The following RNF217 variants were observed in gnomAD, a reference collection of about 807,000 sequenced individuals.
RNF217 encodes ring finger protein 217.
A neutral mutation model predicts 57.8 loss-of-function variants in RNF217; 31 were observed. That is an observed-to-expected ratio of 0.54 (90% CI 0.40 to 0.72). RNF217 has a LOEUF of 0.72. Among genes scored for constraint, RNF217 ranks in the 30% least tolerant of loss-of-function variants. RNF217 has a pLI of 0.00. For missense variants in RNF217, 696 were observed against 708.3 expected (o/e 0.98, Z 0.20); for synonymous variants, 313 against 294.0 (o/e 1.06, Z -0.66).
intron 4 of RNF217, 130 bp downstream of exon 4, chr6:125,076,988 C>A (rs1788401396): frequency 2.6e-6 from 2 of 766,132 alleles, no homozygotes; most frequent in Non-Finnish European, 4.3e-6. Context: ...GATATTCTCT[C>A]ACCCTTTAAG....
intron 1 of RNF217, among the ~76,000 whole-genome samples, chr6:124,978,892 C>T (rs1433222726): frequency 6.6e-6 from 1 of 152,156 alleles, no homozygotes; most frequent in Non-Finnish European, 1.5e-5. Context: ...GGACAGGGCA[C>T]CCTGAAAGCA....
intron 1 of RNF217, among the ~76,000 whole-genome samples, chr6:125,041,121 T>C (rs147453055): frequency 5.9e-5 from 9 of 152,266 alleles, no homozygotes; most frequent in Non-Finnish European, 1.2e-4. Flanking sequence ...ATGCATTTAT[T>C]AATTAGCTTG....
At chr6:124,979,602 G>A (rs1307802355) in intron 1 of RNF217, among the ~76,000 whole-genome samples, 1 of 152,154 alleles carries the variant, frequency 6.6e-6, no homozygotes, top group African/African-American at 2.4e-5. Context: ...AGGCAATGAG[G>A]TTGCAGCAGC....
chr6:125,038,700 C>G (rs1241616678), intron 1 of RNF217, among the ~76,000 whole-genome samples: 1 of 152,090 alleles, frequency 6.6e-6, no homozygotes, highest in African/African-American at 2.4e-5. Flanking sequence ...AATTTAATTG[C>G]TACATTCTCA....
intron 3 of RNF217, among the ~76,000 whole-genome samples, chr6:125,069,957 C>T (rs535096047): frequency 1.5e-4 from 23 of 152,068 alleles, no homozygotes; most frequent in African/African-American, 4.3e-4. Context: ...ACCCATTATC[C>T]GAGCAGTGTA....
chr6:124,997,817 T>C (rs1399752634), intron 1 of RNF217, among the ~76,000 whole-genome samples: 1 of 152,212 alleles, frequency 6.6e-6, no homozygotes, highest in Non-Finnish European at 1.5e-5. Flanking sequence ...TTCTAGACTC[T>C]ACTAACTTAA....
intron 1 of RNF217, chr6:124,971,455 TTTG>T (rs1320694910): frequency 5.2e-5 from 16 of 309,588 alleles, no homozygotes; most frequent in East Asian, 1.2e-4. Flanking sequence ...TAAGTTTTTT[TTTG>T]TTTGTTTGTT....
At chr6:124,986,831 T>C (rs893969054) in intron 1 of RNF217, among the ~76,000 whole-genome samples, 2 of 152,204 alleles carry the variant, frequency 1.3e-5, no homozygotes, top group African/African-American at 4.8e-5. Flanking sequence ...AATAATAAAG[T>C]ATCTTGAAAT....
At chr6:125,027,571 G>T (rs1786157127) in intron 1 of RNF217, among the ~76,000 whole-genome samples, 1 of 152,094 alleles carries the variant, frequency 6.6e-6, no homozygotes. Flanking sequence ...GGACACTTAG[G>T]TTGCTTCGAA....
At chr6:125,018,139 T>C (rs1199358129) in intron 1 of RNF217, among the ~76,000 whole-genome samples, 1 of 152,206 alleles carries the variant, frequency 6.6e-6, no homozygotes, top group Non-Finnish European at 1.5e-5. Flanking sequence ...TGAGGGCTCC[T>C]TACTTTCAAA....
chr6:125,003,076 T>A (rs945305868), intron 1 of RNF217, among the ~76,000 whole-genome samples: 16 of 152,076 alleles, frequency 1.1e-4, no homozygotes, highest in Admixed American at 8.5e-4. Context: ...TAGTAAGTAG[T>A]GAGGCCCTTG....
At position 125,085,587 on chromosome 6, in the gene RNF217, A is replaced by C. The variant is rs1346589574; in HGVS notation, c.*2650A>C. The C allele has an allele frequency of 2.6e-5, 4 of 152,050 alleles. No homozygotes were observed. Among genetic ancestry groups the C allele is most frequent in the Non-Finnish European group, 5.9e-5 (4 of 67,844 alleles). The allele number at this position is 152,050 out of a possible 1,614,324, so 9.4% of individuals were successfully genotyped here. A position where few individuals can be genotyped will look rare whatever the true frequency, so the allele number is the denominator to read the frequency against. ...CTACTTTAAAAAGAAGCGTGCACATAAAATAAATATCTTTCTATCCAAGGC... is the reference window on the plus strand; with the variant it reads ...CTACTTTAAAAAGAAGCGTGCACATCAAATAAATATCTTTCTATCCAAGGC... On this transcript the variant is annotated 3_prime_UTR_variant, in exon 6 of 6. Coordinates refer to ENST00000521654, the MANE Select transcript of RNF217 (RefSeq NM_001286398.3).
chr6:125,049,663 C>A (rs935464481), intron 2 of RNF217, among the ~76,000 whole-genome samples: 3 of 132,266 alleles, frequency 2.3e-5, no homozygotes, highest in African/African-American at 8.3e-5. Flanking sequence ...AATTACTTAG[C>A]ACCACATATG....
intron 1 of RNF217, among the ~76,000 whole-genome samples, chr6:125,005,013 C>T (rs899815066): frequency 6.6e-6 from 1 of 152,014 alleles, no homozygotes; most frequent in African/African-American, 2.4e-5. Context: ...CTGTGTTATT[C>T]CATGATAGAA....
chr6:125,011,160 T>C (rs1220044427), intron 1 of RNF217, among the ~76,000 whole-genome samples: 2 of 152,176 alleles, frequency 1.3e-5, no homozygotes, highest in Non-Finnish European at 2.9e-5. Context: ...GTTTTTCTTC[T>C]TTTAAAGTTT....
At chr6:125,013,809 C>T (rs955767407) in intron 1 of RNF217, among the ~76,000 whole-genome samples, 1 of 152,026 alleles carries the variant, frequency 6.6e-6, no homozygotes, top group African/African-American at 2.4e-5. Flanking sequence ...TTTCCAAATC[C>T]CCATTCTTCT....
chr6:125,046,779 A>T, intron 2 of RNF217: 5 of 414,814 alleles, frequency 1.2e-5, no homozygotes, highest in South Asian at 9.0e-5. Context: ...TATAAGCTAC[A>T]GTATTGTAGG....
Position 125,091,353 on chromosome 6 carries a change from C to CT in RNF217, c.*8418dup. 1 of 151,978 alleles carries CT rather than the reference C, an allele frequency of 6.6e-6. No individual in the cohort carries two copies. Among genetic ancestry groups the CT allele is most frequent in the African/African-American group, 2.4e-5 (1 of 41,488 alleles). The allele number at this position is 151,978 out of a possible 1,614,324, so 9.4% of individuals were successfully genotyped here. Reference sequence around the variant, plus strand: ...TTATTTTTTTCACTTGACTTTATTTCTTATCTAAAGAGCCATATATTTTTT... The same window carrying CT: ...TTATTTTTTTCACTTGACTTTATTTCTTTATCTAAAGAGCCATATATTTTTT... On this transcript the variant is annotated 3_prime_UTR_variant, in exon 6 of 6. Coordinates refer to ENST00000521654, the MANE Select transcript of RNF217 (RefSeq NM_001286398.3).
chr6:125,006,630 C>CTG (rs1476625715), intron 1 of RNF217, among the ~76,000 whole-genome samples: 2 of 152,196 alleles, frequency 1.3e-5, no homozygotes, highest in African/African-American at 4.8e-5. Flanking sequence ...AAAATTATTT[C>CTG]TGAGTTTTGA....
Sources: gnomAD v4.1 joint callset for allele counts (sites outside exome capture counted in the v4.1 genomes callset) on GRCh38, gnomAD v4.1.1 for gene constraint, MANE v1.5 for transcripts, NCBI Gene and HGNC (gene_info 2026-07-23, HGNC 2026-07-21) for gene names.